Variants in RABGAP1L observed in about 807,000 individuals in gnomAD.
RABGAP1L encodes RAB GTPase activating protein 1 like.
A neutral mutation model predicts 137.7 loss-of-function variants in RABGAP1L; 63 were observed. That is an observed-to-expected ratio of 0.46 (90% confidence interval 0.37 to 0.56). The LOEUF (loss-of-function observed/expected upper bound fraction) is 0.56, where lower values mean the gene tolerates loss of function less well. Among genes scored for constraint, RABGAP1L ranks in the 20% least tolerant of loss-of-function variants. The probability of loss-of-function intolerance (pLI) is 0.00; values close to 1 mark genes in which losing one functional copy is unlikely to be tolerated. For synonymous variants in RABGAP1L, 431 were observed against 433.7 expected (o/e 0.99, Z 0.08); for missense variants, 1,095 against 1,244.0 (o/e 0.88, Z 1.80).
At chr1:174,167,244 C>T (rs181455818) in intron 1 of RABGAP1L, among the ~76,000 whole-genome samples, 16 of 152,242 alleles carry the variant, frequency 1.1e-4, no homozygotes, top group Non-Finnish European at 1.6e-4. Flanking sequence ...TTAGTTTTCA[C>T]GAATTGAGGT....
At chr1:174,455,355 T>A (rs1655927277) in intron 13 of RABGAP1L, among the ~76,000 whole-genome samples, 1 of 152,280 alleles carries the variant, frequency 6.6e-6, no homozygotes, top group South Asian at 2.1e-4. Flanking sequence ...ATTTTCTACT[T>A]AAGCAATTGT....
intron 13 of RABGAP1L, among the ~76,000 whole-genome samples, chr1:174,541,565 A>G (rs925051216): frequency 3.9e-5 from 6 of 152,200 alleles, no homozygotes; most frequent in African/African-American, 1.4e-4. Flanking sequence ...TCACGAGGTC[A>G]GGAGATCGAG....
chr1:174,903,314 C>T (rs1453790190), intron 19 of RABGAP1L, among the ~76,000 whole-genome samples: 2 of 152,124 alleles, frequency 1.3e-5, no homozygotes, highest in African/African-American at 4.8e-5. Flanking sequence ...CATTACAACT[C>T]TGGGTTTATG....
chr1:174,290,889 G>A (rs979681585), intron 10 of RABGAP1L, among the ~76,000 whole-genome samples: 3 of 151,614 alleles, frequency 2.0e-5, no homozygotes, highest in African/African-American at 7.3e-5. Context: ...AGCCTCCCGA[G>A]TAGCTGGGAC....
At chr1:174,806,005 T>C (rs944386056) in intron 18 of RABGAP1L, among the ~76,000 whole-genome samples, 2 of 152,186 alleles carry the variant, frequency 1.3e-5, no homozygotes, top group Admixed American at 1.3e-4. Flanking sequence ...AGAAAAGCTC[T>C]AACAATTTCC....
intron 12 of RABGAP1L, among the ~76,000 whole-genome samples, chr1:174,383,860 G>A (rs1571540944): frequency 6.6e-6 from 1 of 152,118 alleles, no homozygotes; most frequent in Non-Finnish European, 1.5e-5. Flanking sequence ...ACAAAATGGT[G>A]TAGCCATTTT....
chr1:174,920,060 A>G (rs944538036), intron 19 of RABGAP1L, among the ~76,000 whole-genome samples: 2 of 152,226 alleles, frequency 1.3e-5, no homozygotes, highest in African/African-American at 4.8e-5. Context: ...GCAGAAACCA[A>G]GGCTTAGAGA....
chr1:174,647,139 C>T (rs1675036336), intron 14 of RABGAP1L, among the ~76,000 whole-genome samples: 1 of 152,086 alleles, frequency 6.6e-6, no homozygotes, highest in Non-Finnish European at 1.5e-5. Flanking sequence ...AATATATAAT[C>T]ATGTCATCTG....
chr1:174,315,061 G>C (rs1437228857), intron 11 of RABGAP1L, among the ~76,000 whole-genome samples: 1 of 152,106 alleles, frequency 6.6e-6, no homozygotes, highest in Non-Finnish European at 1.5e-5. Flanking sequence ...TTTTTGTCTA[G>C]AAGGTCTGTC....
intron 18 of RABGAP1L, among the ~76,000 whole-genome samples, chr1:174,798,163 G>A (rs1375228224): frequency 2.0e-5 from 3 of 150,910 alleles, no homozygotes; most frequent in East Asian, 3.9e-4. Context: ...TTGGGAGGCC[G>A]AGGCAGGCGG....
chr1:174,799,945 C>G (rs1004176348), intron 18 of RABGAP1L: 1 of 39,972 alleles, frequency 2.5e-5, no homozygotes, highest in African/African-American at 4.3e-5. Context: ...CACACACACA[C>G]ACACACACAC....
intron 11 of RABGAP1L, among the ~76,000 whole-genome samples, chr1:174,323,578 C>T (rs1359107485): frequency 6.6e-6 from 1 of 151,956 alleles, no homozygotes; most frequent in Non-Finnish European, 1.5e-5. Flanking sequence ...GAAAATAGAA[C>T]ATGAAACTGT....
chr1:174,665,860 G>T (rs1676752691), intron 14 of RABGAP1L, among the ~76,000 whole-genome samples: 1 of 152,192 alleles, frequency 6.6e-6, no homozygotes, highest in African/African-American at 2.4e-5. Flanking sequence ...TAAATAAATG[G>T]AACAGTAGAG....
At chr1:174,853,482 A>G (rs540579489) in intron 19 of RABGAP1L, among the ~76,000 whole-genome samples, 1 of 152,306 alleles carries the variant, frequency 6.6e-6, no homozygotes, top group South Asian at 2.1e-4. Flanking sequence ...CTGTAATCCC[A>G]GCACTTTGGG....
intron 13 of RABGAP1L, among the ~76,000 whole-genome samples, chr1:174,497,127 A>G (rs1052787743): frequency 6.6e-6 from 1 of 152,092 alleles, no homozygotes. Flanking sequence ...AAGTTTCTAT[A>G]TTTTTTCTAT....
intron 17 of RABGAP1L, among the ~76,000 whole-genome samples, chr1:174,739,152 T>C (rs374814277): frequency 7.9e-5 from 12 of 152,288 alleles, no homozygotes; most frequent in African/African-American, 2.9e-4. Flanking sequence ...TAGGTACCTT[T>C]CTCTTGCTTG....
At chr1:174,174,593 T>C (rs1366706995) in intron 1 of RABGAP1L, among the ~76,000 whole-genome samples, 9 of 152,266 alleles carry the variant, frequency 5.9e-5, no homozygotes, top group Admixed American at 2.6e-4. Context: ...TGTATTAGGT[T>C]GGTGCAAAAG....
In RABGAP1L at chr1:174,727,503, A is replaced by G. The variant is rs187367120; in HGVS notation, c.2170-24810A>G. Among the ~76,000 whole-genome samples the G allele has an allele frequency of 1.6e-4, 25 of 152,340 alleles. No individual in the cohort carries two copies. In the East Asian group the frequency reaches 4.8e-3, roughly 29 times the overall value. On this transcript the variant is annotated intron_variant, in intron 17 of 25. Transcript: ENST00000681986. ...CTTTTCTGTAGCAAAGCTTTGGAAA[A>G]CAACAAACAGAAAAACAACTAGTAA...
At chr1:174,607,541 T>C (rs776765502) in intron 13 of RABGAP1L, among the ~76,000 whole-genome samples, 32 of 152,248 alleles carry the variant, frequency 2.1e-4, no homozygotes, top group Non-Finnish European at 1.8e-4. Context: ...TGCATCTTTG[T>C]TGTTTAAAGA....
Sources: allele counts gnomAD v4.1 joint callset (sites outside exome capture counted in the v4.1 genomes callset), GRCh38; gene constraint gnomAD v4.1.1; transcripts MANE v1.5; gene names NCBI Gene and HGNC (gene_info 2026-07-23, HGNC 2026-07-21).